The following AHRR variants were observed in gnomAD, a reference collection of about 807,000 sequenced individuals.
AHRR encodes the protein aryl hydrocarbon receptor repressor, also known as ahR repressor.
Under a neutral mutation model 44.0 loss-of-function variants are expected in AHRR, and 28 were observed. The ratio of observed to expected loss-of-function variants is 0.64; its 90% CI spans 0.47 to 0.87. The LOEUF (loss-of-function observed/expected upper bound fraction) is 0.87, where lower values mean the gene tolerates loss of function less well. Among genes scored for constraint, AHRR ranks in the 40% least tolerant of loss-of-function variants. The pLI is 0.00. For missense variants in AHRR, 990 were observed against 953.9 expected, an observed-to-expected ratio of 1.04 and a Z score of -0.50; for synonymous variants, 434 against 407.0, an observed-to-expected ratio of 1.07 and a Z score of -0.80.
At chr5:335,016 G>A (rs557725945) in intron 1 of AHRR, among the ~76,000 whole-genome samples, 14 of 152,102 alleles carry the variant, frequency 9.2e-5, no homozygotes, top group South Asian at 2.1e-4. Context: ...TATTGGTGGC[G>A]GCTGTGGTGA....
At chr5:359,568 C>T (rs1743101133) in intron 3 of AHRR, among the ~76,000 whole-genome samples, 1 of 152,216 alleles carries the variant, frequency 6.6e-6, no homozygotes, top group Non-Finnish European at 1.5e-5. Context: ...GTGGCACAGC[C>T]TCACTCTGAA....
At chr5:415,383 C>T (rs1735698616) in intron 5 of AHRR, among the ~76,000 whole-genome samples, 2 of 138,684 alleles carry the variant, frequency 1.4e-5, no homozygotes, top group Non-Finnish European at 3.1e-5. Flanking sequence ...GGGTGGGAGG[C>T]CTAGGGGCCG....
rs1424897242 is a variant in AHRR, at chr5:387,738, C to T, written c.351+11022C>T. Among the ~76,000 whole-genome samples the T allele has an allele frequency of 6.6e-6, 1 of 152,226 alleles. No individual in the cohort carries two copies. The highest frequency in any genetic ancestry group is 6.5e-5 in the Admixed American group (1 of 15,294). ...TTCTGAGTGTGATCGTGTGTCCATA[C>T]GCTGTACCTGCCGGAACTTGGCGAC... On this transcript the variant is annotated intron_variant, in intron 4 of 10. Coordinates refer to ENST00000684583, the MANE Select transcript of AHRR (RefSeq NM_001377236.1). This position sits in a 1 kb window ranked among gnomAD's most constrained non-coding sequence, Gnocchi z 5.1.
intron 2 of AHRR, among the ~76,000 whole-genome samples, chr5:349,235 C>T (rs1455234753): frequency 6.6e-6 from 1 of 152,114 alleles, no homozygotes; most frequent in Non-Finnish European, 1.5e-5. Flanking sequence ...TTCTTCCAAC[C>T]TAAAGCTTAT....
chr5:377,886 G>T (rs1187692086), intron 4 of AHRR, among the ~76,000 whole-genome samples: 3 of 152,200 alleles, frequency 2.0e-5, no homozygotes, highest in African/African-American at 7.2e-5. Flanking sequence ...ATGGAGGCTG[G>T]GGGTCAGGGT....
rs897210293 is a variant in AHRR at position 387,601 on chromosome 5, G to A, written c.351+10885G>A. On this transcript the variant is annotated intron_variant, in intron 4 of 10. Coordinates refer to ENST00000684583, the MANE Select transcript of AHRR (RefSeq NM_001377236.1). The surrounding 1 kb of genome is among the most constrained non-coding windows in gnomAD (Gnocchi z 5.1). ...CCTGTCTGCTGAGGGATGAGGCACT[G>A]TTGGAGGTCCTGGGACAGGGGCCTG... is the stretch of plus-strand genomic sequence containing the variant. 1.1e-4 allele frequency among the ~76,000 whole-genome samples: 17 copies of A among 152,244 alleles called. No homozygotes were observed. The highest frequency in any genetic ancestry group is 3.9e-4 in the African/African-American group (16 of 41,468).
chr5:433,792 C>T, intron 10 of AHRR, 61 bp from the exon 11 acceptor site: 2 of 1,433,224 alleles, frequency 1.4e-6, no homozygotes, highest in Non-Finnish European at 1.8e-6. Flanking sequence ...GACCCCCACC[C>T]AGGGCAGCCA....
At chr5:372,365 G>A (rs1212641421) in intron 3 of AHRR, among the ~76,000 whole-genome samples, 1 of 152,218 alleles carries the variant, frequency 6.6e-6, no homozygotes, top group Admixed American at 6.5e-5. Context: ...CCTGGGCCCT[G>A]TGCACCCTGG....
chr5:424,257 G>A (rs565082586), intron 7 of AHRR, among the ~76,000 whole-genome samples: 5 of 150,196 alleles, frequency 3.3e-5, no homozygotes, highest in East Asian at 3.9e-4. Context: ...GGCGAGGGCC[G>A]GTGCTGAGCT....
Position 414,566 on chromosome 5 carries a change from A to C in AHRR, c.441+1133A>C, listed in dbSNP as rs182041311. Among the ~76,000 whole-genome samples, 605 of 152,304 alleles carry C rather than the reference A, an allele frequency of 4.0e-3. 2 individuals are homozygous for C. Among genetic ancestry groups the C allele is most frequent in the African/African-American group, 0.014 (580 of 41,566 alleles). On this transcript the variant is annotated intron_variant, in intron 5 of 10. Transcript: ENST00000684583. ...AGCTCACAATGCAAGTTATAAACCCAAGGAAGCCATAGATGGTGAGCAGGA... is the reference window on the plus strand; with the variant it reads ...AGCTCACAATGCAAGTTATAAACCCCAGGAAGCCATAGATGGTGAGCAGGA...
intron 4 of AHRR, among the ~76,000 whole-genome samples, chr5:385,486 TGTG>T (rs1213410625): frequency 6.6e-6 from 1 of 152,204 alleles, no homozygotes; most frequent in African/African-American, 2.4e-5. Context: ...CGCCTCCATT[TGTG>T]GTGAATACTT....
At position 342,786 on chromosome 5, in the gene AHRR, GAGA is replaced by G. The variant is rs1742389681; in HGVS notation, c.-10-1101_-10-1099del. 6.6e-6 allele frequency among the ~76,000 whole-genome samples: 1 copy of G among 152,236 alleles called. No homozygotes were observed. The highest frequency in any genetic ancestry group is 1.5e-5 in the Non-Finnish European group (1 of 68,042). ...ATTGCAAGGAAAATCAAGATTCTGT[GAGA>G]AGAAGGGTGATGCCCTCTCTGAGGT... On this transcript the variant is annotated intron_variant, in intron 1 of 10. Coordinates refer to ENST00000684583, the MANE Select transcript of AHRR (RefSeq NM_001377236.1). The surrounding 1 kb of genome is among the most constrained non-coding windows in gnomAD (Gnocchi z 4.3).
At chr5:335,862 A>C (rs780621848) in intron 1 of AHRR, among the ~76,000 whole-genome samples, 15 of 152,154 alleles carry the variant, frequency 9.9e-5, no homozygotes, top group Non-Finnish European at 1.5e-5. Flanking sequence ...CCCCATGGCA[A>C]CTCTCATCTT....
chr5:332,929 C>CTTTTTTTTTTTTTT (rs57937804), intron 1 of AHRR, among the ~76,000 whole-genome samples: 19 of 132,050 alleles, frequency 1.4e-4, no homozygotes, highest in African/African-American at 5.1e-4. Flanking sequence ...TGACCTTTGT[C>CTTTTTTTTTTTTTT]TTTTTTTTTT....
Position 340,694 on chromosome 5 carries a change from T to A in AHRR, c.-10-3199T>A, listed in dbSNP as rs1416489941. On this transcript the variant is annotated intron_variant, in intron 1 of 10. Transcript: ENST00000684583. The stretch of plus-strand genomic sequence containing the variant: ...TATATATATATATATATATATTTTT[T>A]TTTTTTTTTTTTTTTTTTTGAGTTG... Among the ~76,000 whole-genome samples, 82 of 32,082 alleles carry A rather than the reference T, an allele frequency of 2.6e-3. 1 individual carries two copies. Among genetic ancestry groups the A allele is most frequent in the Middle Eastern group, 0.014 (1 of 72 alleles). The allele number at this position is 32,082 out of a possible 152,430, so 21.0% of individuals were successfully genotyped here.
chr5:423,817 C>G, intron 6 of AHRR, 24 bp from the exon 7 acceptor site: 1 of 1,576,482 alleles, frequency 6.3e-7, no homozygotes, highest in Non-Finnish European at 8.6e-7. Flanking sequence ...CACCGCCACG[C>G]CCCTTGGCCC....
intron 3 of AHRR, among the ~76,000 whole-genome samples, chr5:372,737 C>T (rs1384111171): frequency 6.6e-6 from 1 of 152,198 alleles, no homozygotes; most frequent in Non-Finnish European, 1.5e-5. Flanking sequence ...AATGTGGCTT[C>T]GTTTCTGGGC....
At chr5:325,238 G>C (rs779355373) in intron 1 of AHRR, among the ~76,000 whole-genome samples, 2 of 152,208 alleles carry the variant, frequency 1.3e-5, no homozygotes, top group African/African-American at 2.4e-5. Flanking sequence ...ATTTGGGGAC[G>C]AGGGTTGGTC....
intron 2 of AHRR, among the ~76,000 whole-genome samples, chr5:345,790 C>T (rs992188964): frequency 6.6e-5 from 10 of 152,028 alleles, no homozygotes; most frequent in African/African-American, 2.4e-4. Flanking sequence ...CACTGCGGGG[C>T]CCCAGGAGGA....
Sources: gnomAD v4.1 joint callset for allele counts (sites outside exome capture counted in the v4.1 genomes callset) on GRCh38, gnomAD v4.1.1 for gene constraint, Gnocchi (gnomAD v3.1) non-coding constraint, MANE v1.5 for transcripts, NCBI Gene and HGNC (gene_info 2026-07-23, HGNC 2026-07-21) for gene names.